The following SLCO2A1 variants were observed in gnomAD, a reference collection of about 807,000 sequenced individuals.
SLCO2A1 encodes solute carrier organic anion transporter family member 2A1, also known as matrin F/G 1.
SLCO2A1 carries 60 observed loss-of-function variants against 71.7 expected under a neutral mutation model. That is an observed-to-expected ratio of 0.84 (90% CI 0.68 to 1.04). The LOEUF is 1.04. Among genes scored for constraint, SLCO2A1 ranks in the 50% least tolerant of loss-of-function variants. The pLI, the probability that SLCO2A1 is intolerant of heterozygous loss-of-function variation, is 0.00. For missense variants in SLCO2A1, 745 were observed against 813.4 expected, an observed-to-expected ratio of 0.92 and a Z score of 1.02; for synonymous variants, 308 against 326.7, an observed-to-expected ratio of 0.94 and a Z score of 0.62.
intron 1 of SLCO2A1, among the ~76,000 whole-genome samples, chr3:134,024,910 T>C (rs1456978244): frequency 2.0e-5 from 3 of 152,116 alleles, no homozygotes; most frequent in African/African-American, 7.2e-5. Context: ...CAGTTGAACA[T>C]AACTGTGTAG....
chr3:133,963,746 T>C (rs1225384445), intron 3 of SLCO2A1, among the ~76,000 whole-genome samples: 1 of 152,240 alleles, frequency 6.6e-6, no homozygotes, highest in Non-Finnish European at 1.5e-5. Context: ...TCTGGAATCA[T>C]GGCCAAGGTG....
At chr3:133,947,996 G>A (rs1329917414) in intron 8 of SLCO2A1, among the ~76,000 whole-genome samples, 1 of 152,100 alleles carries the variant, frequency 6.6e-6, no homozygotes, top group Non-Finnish European at 1.5e-5. Flanking sequence ...CAACACAGTT[G>A]AAAAAATACT....
chr3:133,966,171 G>A (rs1204063511), intron 3 of SLCO2A1, among the ~76,000 whole-genome samples: 8 of 152,152 alleles, frequency 5.3e-5, no homozygotes, highest in Non-Finnish European at 1.2e-4. Context: ...AAGTTTTATG[G>A]GGACACAGCC....
At chr3:133,939,381 C>A (rs1372945987) in intron 11 of SLCO2A1, among the ~76,000 whole-genome samples, 1 of 152,106 alleles carries the variant, frequency 6.6e-6, no homozygotes, top group Non-Finnish European at 1.5e-5. Flanking sequence ...TGACTTGACT[C>A]CAGGACTCTC....
chr3:134,029,568 G>A, intron 1 of SLCO2A1, 139 bp downstream of exon 1: 3 of 610,134 alleles, frequency 4.9e-6, no homozygotes, highest in South Asian at 2.0e-5. Flanking sequence ...CGCGTCGCCC[G>A]GGGATGAGAT....
chr3:133,973,558 C>A (rs1471027028), intron 3 of SLCO2A1, 105 bp downstream of exon 3: 7 of 1,197,788 alleles, frequency 5.8e-6, no homozygotes, highest in Non-Finnish European at 8.3e-6. Context: ...GCTTCATATG[C>A]CCTCTTCCTG....
At chr3:133,962,838 T>C (rs1183950768) in intron 3 of SLCO2A1, among the ~76,000 whole-genome samples, 1 of 152,202 alleles carries the variant, frequency 6.6e-6, no homozygotes, top group African/African-American at 2.4e-5. Flanking sequence ...TGCCTTTTCC[T>C]GCTACCACAA....
chr3:133,947,693 A>T (rs558669235), intron 8 of SLCO2A1, among the ~76,000 whole-genome samples: 1 of 152,360 alleles, frequency 6.6e-6, no homozygotes, highest in Non-Finnish European at 1.5e-5. Context: ...CTTGCAGCTT[A>T]AGAGATGTGG....
intron 5 of SLCO2A1, among the ~76,000 whole-genome samples, chr3:133,953,347 T>A (rs1933796086): frequency 6.6e-6 from 1 of 152,224 alleles, no homozygotes; most frequent in South Asian, 2.1e-4. Flanking sequence ...CATAGAAATA[T>A]TTTTAATGCC....
At chr3:133,999,091 C>G (rs1337326209) in intron 1 of SLCO2A1, among the ~76,000 whole-genome samples, 1 of 152,196 alleles carries the variant, frequency 6.6e-6, no homozygotes, top group African/African-American at 2.4e-5. Flanking sequence ...GATCCCTTCT[C>G]TAGGTTACTC....
intron 1 of SLCO2A1, among the ~76,000 whole-genome samples, chr3:134,019,033 T>G (rs776670241): frequency 6.6e-6 from 1 of 152,090 alleles, no homozygotes; most frequent in Non-Finnish European, 1.5e-5. Context: ...CCACTGCTGC[T>G]CCCCTTGGTC....
intron 1 of SLCO2A1, among the ~76,000 whole-genome samples, chr3:133,986,736 T>A (rs940125292): frequency 2.0e-5 from 3 of 152,220 alleles, no homozygotes; most frequent in African/African-American, 7.2e-5. Context: ...TGTGGGGGAC[T>A]TGGCCCAAGC....
At chr3:133,993,382 G>A (rs1207836302) in intron 1 of SLCO2A1, among the ~76,000 whole-genome samples, 1 of 152,230 alleles carries the variant, frequency 6.6e-6, no homozygotes, top group South Asian at 2.1e-4. Context: ...GATAGCTGGA[G>A]TGGTGAGGTC....
intron 1 of SLCO2A1, among the ~76,000 whole-genome samples, chr3:133,990,131 C>T (rs914240284): frequency 2.6e-5 from 4 of 152,248 alleles, no homozygotes; most frequent in Non-Finnish European, 4.4e-5. Context: ...GTGCCAAGCC[C>T]GCGGGCTCCC....
At chr3:134,004,374 G>A (rs867835215) in intron 1 of SLCO2A1, among the ~76,000 whole-genome samples, 12 of 152,142 alleles carry the variant, frequency 7.9e-5, no homozygotes, top group Middle Eastern at 6.8e-3. Context: ...TGCTCTTGTC[G>A]CCCAGGCTGG....
intron 1 of SLCO2A1, among the ~76,000 whole-genome samples, chr3:134,007,849 T>C (rs1180537204): frequency 6.6e-6 from 1 of 152,246 alleles, no homozygotes. Context: ...ACTGATGTCC[T>C]CATTGTTCCT....
At chr3:133,979,645 G>A (rs368567430) in intron 1 of SLCO2A1, 27 bp from the exon 2 acceptor site, 3 of 1,579,008 alleles carry the variant, frequency 1.9e-6, no homozygotes, top group South Asian at 1.2e-5. Flanking sequence ...GGGCCCGTGA[G>A]GTTTCTGGAC....
At position 133,948,441 on chromosome 3, in the gene SLCO2A1, G is replaced by A. The variant is rs767253389; in HGVS notation, c.1105+95C>T. ...CCTCCTCCGGACCCTGCCTATGTCC[G>A]GTCTGGCCTGCGCCCATCCCTGGAT... On this transcript the variant is annotated intron_variant, in intron 8 of 13. Transcript: ENST00000310926. The A allele has an allele frequency of 3.3e-4, 434 of 1,318,064 alleles. 1 individual carries two copies. The highest frequency in any genetic ancestry group is 5.3e-4 in the Admixed American group (25 of 46,886). 81.6% of individuals were successfully genotyped at this position (1,318,064 alleles called of 1,614,324 possible).
In SLCO2A1 at chr3:134,029,131, T is replaced by C. The variant is rs371580715; in HGVS notation, c.96+576A>G. Among the ~76,000 whole-genome samples the C allele has an allele frequency of 5.3e-5, 8 of 152,140 alleles. No homozygotes were observed. In the East Asian group the frequency reaches 1.6e-3, roughly 30 times the overall value. On this transcript the variant is annotated intron_variant, in intron 1 of 13. Transcript: ENST00000310926. The stretch of plus-strand genomic sequence containing the variant: ...GCCCGCTGAGAGGGAATTCTAAACA[T>C]AACTGCGAGCGGCACAGCCAGGTAG...
Sources: allele counts gnomAD v4.1 joint callset (sites outside exome capture counted in the v4.1 genomes callset), GRCh38; gene constraint gnomAD v4.1.1; transcripts MANE v1.5; gene names NCBI Gene and HGNC (gene_info 2026-07-23, HGNC 2026-07-21).